Variants in TICAM1 observed in about 807,000 individuals in gnomAD.
TICAM1 encodes TIR domain containing adaptor molecule 1.
For missense variants in TICAM1, 895 were observed against 938.2 expected, an observed-to-expected ratio of 0.95 and a Z score of 0.60; for synonymous variants, 439 against 415.4, an observed-to-expected ratio of 1.06 and a Z score of -0.69.
chr19:4,821,082 G>C (rs2093596651), intron 1 of TICAM1, among the ~76,000 whole-genome samples: 1 of 149,908 alleles, frequency 6.7e-6, no homozygotes, highest in Non-Finnish European at 1.5e-5. Context: ...TGTACTCCCA[G>C]CTACTTGGGA....
Position 4,815,968 on chromosome 19 carries a change from TAGCAATACCCCC to T in TICAM1, c.*259_*270del. On this transcript the variant is annotated 3_prime_UTR_variant, in exon 2 of 2. Coordinates refer to ENST00000248244, the MANE Select transcript of TICAM1 (RefSeq NM_182919.4). ...AATATTTATTATAATTAAAAGACCG[TAGCAATACCCCC>T]ACCACCAAGACCCTTCACCCAGAAA... 1 of 358,806 alleles carries T rather than the reference TAGCAATACCCCC, an allele frequency of 2.8e-6. No homozygotes were observed. The highest frequency in any genetic ancestry group is 7.2e-4 in the Middle Eastern group (1 of 1,392). The allele number at this position is 358,806 out of a possible 1,614,324, so 22.2% of individuals were successfully genotyped here.
chr19:4,825,299 A>C (rs1479650694), intron 1 of TICAM1, among the ~76,000 whole-genome samples: 14 of 151,884 alleles, frequency 9.2e-5, no homozygotes, highest in Admixed American at 9.2e-4. Context: ...ACAACAAAAA[A>C]CTACCTATCA....
At position 4,818,562 on chromosome 19, in the gene TICAM1, C is replaced by T. The variant is rs2093592007; in HGVS notation, c.-139-46G>A. On this transcript the variant is annotated intron_variant, in intron 1 of 1. Transcript: ENST00000248244. The surrounding 1 kb of genome is among the most constrained non-coding windows in gnomAD (Gnocchi z 4.0). ...AAACACACTTACCCCCAAGAAAGGTCAGCACGGGAAGGCGGCCCACACACC... is the reference window on the plus strand; with the variant it reads ...AAACACACTTACCCCCAAGAAAGGTTAGCACGGGAAGGCGGCCCACACACC... 7.6e-7 allele frequency: 1 copy of T among 1,315,898 alleles called. No individual in the cohort carries two copies. Among genetic ancestry groups the T allele is most frequent in the East Asian group, 2.8e-5 (1 of 35,898 alleles). 81.5% of individuals were successfully genotyped at this position (1,315,898 alleles called of 1,614,324 possible).
intron 1 of TICAM1, among the ~76,000 whole-genome samples, chr19:4,821,718 C>T (rs2146174933): frequency 6.6e-6 from 1 of 151,282 alleles, no homozygotes; most frequent in African/African-American, 2.4e-5. Context: ...GATCTCGGCT[C>T]ACCGCAACCT....
At chr19:4,828,702 C>CTTT (rs10706023) in intron 1 of TICAM1, among the ~76,000 whole-genome samples, 2 of 124,622 alleles carry the variant, frequency 1.6e-5, no homozygotes, top group Non-Finnish European at 3.3e-5. Flanking sequence ...CCCAGATAAT[C>CTTT]TTTTTTTTTT....
chr19:4,817,244 G>C lies in TICAM1; in HGVS notation c.1134C>G (p.Pro378=), dbSNP rs760238570. The C allele has an allele frequency of 5.0e-6, 8 of 1,613,782 alleles. No homozygotes were observed. The highest frequency in any genetic ancestry group is 6.8e-6 in the Non-Finnish European group (8 of 1,179,832). Residue 378 remains proline, a synonymous_variant, in exon 2 of 2, where the codon CCC becomes CCG. Coordinates refer to ENST00000248244, the MANE Select transcript of TICAM1 (RefSeq NM_182919.4). This position sits in a 1 kb window ranked among gnomAD's most constrained non-coding sequence, Gnocchi z 4.7. The part of the protein sequence containing the change: ...SSTPCSAHLT[P]SSLFPSSLES... Reference sequence around the variant, plus strand: ...CCAGGGAGGAAGGGAACAGGGAGGAGGGGGTCAGGTGAGCTGAACAAGGAG... The same window carrying C: ...CCAGGGAGGAAGGGAACAGGGAGGACGGGGTCAGGTGAGCTGAACAAGGAG...
chr19:4,821,306 A>G (rs1038644036), intron 1 of TICAM1, among the ~76,000 whole-genome samples: 2 of 152,142 alleles, frequency 1.3e-5, no homozygotes, highest in Non-Finnish European at 2.9e-5. Context: ...GGAGCAACTG[A>G]CTGTCTAATG....
chr19:4,816,980 C>G lies in TICAM1; in HGVS notation c.1398G>C (p.Leu466=). The G allele has an allele frequency of 6.2e-7, 1 of 1,614,126 alleles. No individual in the cohort carries two copies. The highest frequency in any genetic ancestry group is 1.1e-5 in the South Asian group (1 of 91,090). The part of the protein sequence containing the change: ...LTSNFDCRLS[L]HQVNQAMMSN... ...TCATCATGGCTTGGTTCACCTGGTGCAGGCTCAGGCGACAGTCGAAGTTGG... is the reference window on the plus strand; with the variant it reads ...TCATCATGGCTTGGTTCACCTGGTGGAGGCTCAGGCGACAGTCGAAGTTGG... Residue 466 remains leucine (L), a synonymous_variant, in exon 2 of 2, where the codon CTG becomes CTC. Coordinates refer to ENST00000248244, the MANE Select transcript of TICAM1 (RefSeq NM_182919.4). This position sits in a 1 kb window ranked among gnomAD's most constrained non-coding sequence, Gnocchi z 4.3.
chr19:4,829,369 C>A (rs2093610557), intron 1 of TICAM1, among the ~76,000 whole-genome samples: 1 of 152,100 alleles, frequency 6.6e-6, no homozygotes, highest in African/African-American at 2.4e-5. Flanking sequence ...GAACTCAACT[C>A]TATTTCAGTG....
intron 1 of TICAM1, among the ~76,000 whole-genome samples, chr19:4,826,291 T>C (rs1265974473): frequency 6.9e-6 from 1 of 145,466 alleles, no homozygotes; most frequent in African/African-American, 2.6e-5. Context: ...ATTAATAAAA[T>C]GTATTATTAG....
rs757786083 is a variant in TICAM1, at chr19:4,817,383, G to A, written c.995C>T (p.Thr332Met). 45 of 1,613,912 alleles carry A rather than the reference G, an allele frequency of 2.8e-5. No individual in the cohort carries two copies. Among genetic ancestry groups the A allele is most frequent in the East Asian group, 2.7e-4 (12 of 44,888 alleles). Residue 332 changes from threonine to methionine, a missense_variant, in exon 2 of 2, where the codon ACG (threonine) becomes ATG (methionine). By Grantham distance (81) the Thr-to-Met change is moderately conservative. Coordinates refer to ENST00000248244, the MANE Select transcript of TICAM1 (RefSeq NM_182919.4). The surrounding 1 kb of genome is among the most constrained non-coding windows in gnomAD (Gnocchi z 4.7). ...ATCTTCTACAGAAAGTTGGAGTGGC[G>A]TCTGGTCTTTGACAGAGCAGGGGTT... ...VKNPCSVKDQ[T>M]PLQLSVEDTT...
rs956513192 is a variant in TICAM1, at chr19:4,818,587, C to G, written c.-139-71G>C. 8 of 1,085,304 alleles carry G rather than the reference C, an allele frequency of 7.4e-6. No individual in the cohort carries two copies. Among genetic ancestry groups the G allele is most frequent in the Non-Finnish European group, 8.7e-6 (7 of 805,824 alleles). 67.2% of individuals were successfully genotyped at this position (1,085,304 alleles called of 1,614,324 possible). On this transcript the variant is annotated intron_variant, in intron 1 of 1. Transcript: ENST00000248244. The surrounding 1 kb of genome is among the most constrained non-coding windows in gnomAD (Gnocchi z 4.0). Reference sequence around the variant, plus strand: ...CAGCACGGGAAGGCGGCCCACACACCCCCGCCTGCTTTCCCCGCCTGCCAC... The same window carrying G: ...CAGCACGGGAAGGCGGCCCACACACGCCCGCCTGCTTTCCCCGCCTGCCAC...
chr19:4,828,745 C>T (rs1395570884), intron 1 of TICAM1, among the ~76,000 whole-genome samples: 2 of 149,932 alleles, frequency 1.3e-5, no homozygotes, highest in African/African-American at 4.9e-5. Context: ...CCTCTGTCGC[C>T]AGGCTGGAGT....
chr19:4,821,263 C>G lies in TICAM1; in HGVS notation c.-139-2747G>C, dbSNP rs144943878. On this transcript the variant is annotated intron_variant, in intron 1 of 1. Coordinates refer to ENST00000248244, the MANE Select transcript of TICAM1 (RefSeq NM_182919.4). Reference sequence around the variant, plus strand: ...GGGTACTAGTGAATACACCAGTATGCAGACAAGGAAAAACAGCAATGGACT... The same window carrying G: ...GGGTACTAGTGAATACACCAGTATGGAGACAAGGAAAAACAGCAATGGACT... Among the ~76,000 whole-genome samples, 279 of 152,022 alleles carry G rather than the reference C, an allele frequency of 1.8e-3. 1 individual carries two copies. Among genetic ancestry groups the G allele is most frequent in the African/African-American group, 6.5e-3 (271 of 41,446 alleles).
At chr19:4,827,393 A>AAAAAAG (rs1568367623) in intron 1 of TICAM1, among the ~76,000 whole-genome samples, 34 of 144,876 alleles carry the variant, frequency 2.3e-4, no homozygotes, top group African/African-American at 6.5e-4. Flanking sequence ...AAAAAAAAAA[A>AAAAAAG]AAAAAAAAAA....
At position 4,818,560 on chromosome 19, in the gene TICAM1, G is replaced by A. The variant is rs183379992; in HGVS notation, c.-139-44C>T. 2.0e-4 allele frequency: 258 copies of A among 1,314,240 alleles called. No homozygotes were observed. The highest frequency in any genetic ancestry group is 1.1e-3 in the Admixed American group (34 of 29,912). The allele number at this position is 1,314,240 out of a possible 1,614,324, so 81.4% of individuals were successfully genotyped here. A position where few individuals can be genotyped will look rare whatever the true frequency, so the allele number is the denominator to read the frequency against. On this transcript the variant is annotated intron_variant, in intron 1 of 1. Transcript: ENST00000248244. The surrounding 1 kb of genome is among the most constrained non-coding windows in gnomAD (Gnocchi z 4.0). ...GCAAACACACTTACCCCCAAGAAAG[G>A]TCAGCACGGGAAGGCGGCCCACACA...
rs201008382 is a variant in TICAM1 at position 4,817,132 on chromosome 19, G to T, written c.1246C>A (p.Leu416Met). Residue 416 changes from leucine to methionine, a missense_variant, in exon 2 of 2, where the codon CTG (leucine) becomes ATG (methionine). Leu to Met is a conservative substitution (Grantham distance 15). Coordinates refer to ENST00000248244, the MANE Select transcript of TICAM1 (RefSeq NM_182919.4). This position sits in a 1 kb window ranked among gnomAD's most constrained non-coding sequence, Gnocchi z 4.7. ...EHIALRVREK[L>M]EALGVPDGAT... ...CCGTCGGGCACGCCAAGGGCCTCCA[G>T]CTTCTCCCGAACCCGCAGGGCGATG... 3.5e-5 allele frequency: 56 copies of T among 1,614,184 alleles called. No individual in the cohort carries two copies. The highest frequency in any genetic ancestry group is 2.0e-5 in the Non-Finnish European group (24 of 1,180,032).
chr19:4,817,082 C>T lies in TICAM1; in HGVS notation c.1296G>A (p.Gln432=). The change falls in exon 2 of 2, where the codon CAG becomes CAA. Residue 432 remains glutamine, a synonymous_variant. Transcript: ENST00000248244. This position sits in a 1 kb window ranked among gnomAD's most constrained non-coding sequence, Gnocchi z 4.7. Reference sequence around the variant, plus strand: ...AGCTCAGCTCCCCGCGCCCCGGCACCTGGAAATCCTCGCAGAAGGTGGCCC... The same window carrying T: ...AGCTCAGCTCCCCGCGCCCCGGCACTTGGAAATCCTCGCAGAAGGTGGCCC... ...PDGATFCEDF[Q]VPGRGELSCL... The T allele has an allele frequency of 6.2e-7, 1 of 1,614,150 alleles. No homozygotes were observed. The highest frequency in any genetic ancestry group is 8.5e-7 in the Non-Finnish European group (1 of 1,180,034).
At chr19:4,828,482 G>A (rs536963145) in intron 1 of TICAM1, among the ~76,000 whole-genome samples, 1 of 151,222 alleles carries the variant, frequency 6.6e-6, no homozygotes, top group African/African-American at 2.4e-5. Flanking sequence ...CAAAGTGCTG[G>A]GATTACAGGT....
Sources: allele counts gnomAD v4.1 joint callset (sites outside exome capture counted in the v4.1 genomes callset), GRCh38; gene constraint gnomAD v4.1.1; non-coding constraint Gnocchi (gnomAD v3.1); transcripts MANE v1.5; gene names NCBI Gene and HGNC (gene_info 2026-07-23, HGNC 2026-07-21).